The following SREBF2 variants were observed in gnomAD, a reference collection of about 807,000 sequenced individuals.
The protein encoded by SREBF2 is sterol regulatory element binding transcription factor 2.
In SREBF2, 55 loss-of-function variants were observed where a neutral mutation model predicts 113.1. The observed-to-expected ratio is 0.49, with a 90% confidence interval of 0.39 to 0.61. The LOEUF (loss-of-function observed/expected upper bound fraction) is 0.61. SREBF2 is among the 20% of genes least tolerant of loss of function. The probability of loss-of-function intolerance (pLI) is 0.00; values close to 1 mark genes in which losing one functional copy is unlikely to be tolerated. For missense variants in SREBF2, 1,349 were observed against 1,487.4 expected, an observed-to-expected ratio of 0.91 and a Z score of 1.53; for synonymous variants, 593 against 605.7, an observed-to-expected ratio of 0.98 and a Z score of 0.31.
rs2077419329 is a variant in SREBF2 at position 41,896,697 on chromosome 22, G to T, written c.2496-355G>T. Among the ~76,000 whole-genome samples, 3 of 152,164 alleles carry T rather than the reference G, an allele frequency of 2.0e-5. 1 individual carries two copies. The South Asian group carries it at 6.2e-4, about 32-fold the overall frequency. ...CCTACAAGGCCCAGATCCTGATTAG[G>T]GTGCACCTGAGGAGAGGGGGAGGGG... On this transcript the variant is annotated intron_variant, in intron 13 of 18. Transcript: ENST00000361204.
Position 41,878,093 on chromosome 22 carries a change from C to T in SREBF2, c.1731C>T (p.His577=). ...HSRSSVTFWR[H]RKQADLDLAR... is the part of the protein sequence containing the mutation. The stretch of plus-strand genomic sequence containing the variant: ...GCTCCTCGGTCACCTTCTGGAGGCA[C>T]CGGAAACAGGCAGATCTGGATCTCG... Residue 577 remains histidine (H), a synonymous_variant, in exon 9 of 19, where the codon CAC becomes CAT. Coordinates refer to ENST00000361204, the MANE Select transcript of SREBF2 (RefSeq NM_004599.4). 1.2e-6 allele frequency: 2 copies of T among 1,614,136 alleles called. No homozygotes were observed. Among genetic ancestry groups the T allele is most frequent in the South Asian group, 2.2e-5 (2 of 91,080 alleles).
intron 11 of SREBF2, among the ~76,000 whole-genome samples, chr22:41,892,413 G>C (rs982795741): frequency 6.6e-6 from 1 of 152,162 alleles, no homozygotes; most frequent in South Asian, 2.1e-4. Flanking sequence ...ACTTTGGGAG[G>C]CCGAGACGGG....
chr22:41,854,409 G>A (rs1216520689), intron 1 of SREBF2, among the ~76,000 whole-genome samples: 6 of 150,500 alleles, frequency 4.0e-5, no homozygotes, highest in South Asian at 4.4e-4. Context: ...TGATCCACCC[G>A]CCTCGGCCTC....
In SREBF2 at chr22:41,880,703, T is replaced by C. The variant is rs1714719189; in HGVS notation, c.1762-13T>C. The C allele has an allele frequency of 6.2e-7, 1 of 1,614,092 alleles. No individual in the cohort carries two copies. The highest frequency in any genetic ancestry group is 1.3e-5 in the African/African-American group (1 of 74,936). ...AAGGCCAGTGACCATTAACACCTTTTGATACTTTGTAGGGAGATTTTGCAG... is the reference window on the plus strand; with the variant it reads ...AAGGCCAGTGACCATTAACACCTTTCGATACTTTGTAGGGAGATTTTGCAG... On this transcript the variant is annotated splice_polypyrimidine_tract_variant and intron_variant, in intron 9 of 18. Coordinates refer to ENST00000361204, the MANE Select transcript of SREBF2 (RefSeq NM_004599.4).
At chr22:41,851,448 C>T (rs1184156340) in intron 1 of SREBF2, among the ~76,000 whole-genome samples, 1 of 151,706 alleles carries the variant, frequency 6.6e-6, no homozygotes, top group Admixed American at 6.6e-5. Context: ...ATTTGAGACT[C>T]TCCTGGGCAA....
chr22:41,902,410 G>T lies in SREBF2; in HGVS notation c.2908-560G>T, dbSNP rs554829682. ...TCAGAGAGACTAAGTCCTATGCCAG[G>T]GTCATGTAGCTAGTAAGTGGCAAAG... On this transcript the variant is annotated intron_variant, in intron 16 of 18. Coordinates refer to ENST00000361204, the MANE Select transcript of SREBF2 (RefSeq NM_004599.4). 1.2e-4 allele frequency among the ~76,000 whole-genome samples: 19 copies of T among 152,264 alleles called. No individual in the cohort carries two copies. In the East Asian group the frequency reaches 3.1e-3, roughly 25 times the overall value.
intron 11 of SREBF2, 110 bp downstream of exon 11, chr22:41,885,121 C>A: frequency 1.5e-6 from 2 of 1,324,866 alleles, no homozygotes; most frequent in Non-Finnish European, 1.1e-6. Context: ...TGCTGCCCAC[C>A]TGGAGGGGTA....
Position 41,875,660 on chromosome 22 carries a change from A to G in SREBF2, c.1322A>G (p.Gln441Arg), listed in dbSNP as rs1444521719. ...CCCCCAGCCTCTGACTCAGGGTCCC[A>G]GGCTGGCTTCTCTCCCTACTCCATT... The part of the protein sequence containing the change: ...MSPPASDSGS[Q>R]AGFSPYSIDS... The change falls in exon 7 of 19, where the codon CAG becomes CGG. Residue 441 changes from glutamine to arginine, a missense_variant. By Grantham distance (43) the Gln-to-Arg change is conservative (BLOSUM62 1). Transcript: ENST00000361204. The G allele has an allele frequency of 2.5e-6, 4 of 1,614,096 alleles. No homozygotes were observed. The Admixed American group carries it at 5.0e-5, about 20-fold the overall frequency.
chr22:41,898,531 C>A, intron 14 of SREBF2, 118 bp from the exon 15 acceptor site: 2 of 1,384,102 alleles, frequency 1.4e-6, no homozygotes, highest in Non-Finnish European at 2.0e-6. Context: ...GGCTGCTGGC[C>A]CGTTCCCAGC....
At chr22:41,898,174 G>T (rs908816251) in intron 14 of SREBF2, among the ~76,000 whole-genome samples, 2 of 152,204 alleles carry the variant, frequency 1.3e-5, no homozygotes, top group Non-Finnish European at 1.5e-5. Context: ...GCAATGGCAC[G>T]ATCTCGGCTC....
chr22:41,873,325 C>T (rs779936791), intron 4 of SREBF2, among the ~76,000 whole-genome samples: 12 of 152,164 alleles, frequency 7.9e-5, no homozygotes, highest in Non-Finnish European at 1.8e-4. Context: ...TTGAGAGTGT[C>T]ACTTCTGCCC....
At chr22:41,896,902 A>C (rs1185447158) in intron 13 of SREBF2, 150 bp from the exon 14 acceptor site, 1 of 632,634 alleles carries the variant, frequency 1.6e-6, no homozygotes, top group East Asian at 3.1e-5. Context: ...CAAAGGGTAC[A>C]CATAGACAGC....
chr22:41,903,034 C>T lies in SREBF2; in HGVS notation c.2972C>T (p.Ala991Val), dbSNP rs765167676. Residue 991 changes from alanine (A) to valine (V), a missense_variant, in exon 17 of 19, where the codon GCC becomes GTC. By Grantham distance (64) the Ala-to-Val change is moderately conservative (BLOSUM62 0). Transcript: ENST00000361204. ...SLRTALWQKQASASQAVGETY... is the reference protein window; with the variant it reads ...SLRTALWQKQVSASQAVGETY... ...CGGACAGCGCTCTGGCAAAAACAGGCCAGTGCCAGCCAGGCTGTGGGGGAG... is the reference window on the plus strand; with the variant it reads ...CGGACAGCGCTCTGGCAAAAACAGGTCAGTGCCAGCCAGGCTGTGGGGGAG... 1.2e-6 allele frequency: 2 copies of T among 1,609,424 alleles called. No individual in the cohort carries two copies. The highest frequency in any genetic ancestry group is 3.4e-5 in the Admixed American group (2 of 59,662).
chr22:41,893,325 A>G (rs1569407102), intron 12 of SREBF2, 40 bp downstream of exon 12: 1 of 1,611,140 alleles, frequency 6.2e-7, no homozygotes, highest in Non-Finnish European at 8.5e-7. Context: ...GGAGAAAGCC[A>G]TGCAAACCGC....
At chr22:41,879,839 C>A (rs955955680) in intron 9 of SREBF2, among the ~76,000 whole-genome samples, 10 of 152,146 alleles carry the variant, frequency 6.6e-5, no homozygotes, top group African/African-American at 2.2e-4. Context: ...CTCCATTAGA[C>A]CCTCTCAGGT....
intron 8 of SREBF2, 112 bp downstream of exon 8, chr22:41,877,533 G>C: frequency 7.8e-7 from 1 of 1,274,290 alleles, no homozygotes; most frequent in East Asian, 2.5e-5. Flanking sequence ...GGCTTTTATA[G>C]TGGGCCCCCA....
At position 41,873,876 on chromosome 22, in the gene SREBF2, G is replaced by T. The variant is rs566599558; in HGVS notation, c.946G>T (p.Val316Leu). 6.2e-7 allele frequency: 1 copy of T among 1,613,996 alleles called. No individual in the cohort carries two copies. ...MGQEKVPIKQ[V>L]PGGVKQLEPP... is the part of the protein sequence containing the mutation. The stretch of plus-strand genomic sequence containing the variant: ...GCAAGAGAAAGTGCCCATTAAGCAG[G>T]TACCTGGGGGAGTCAAGCAGCTTGA... Residue 316 changes from valine (V) to leucine (L), a missense_variant, in exon 5 of 19, where the codon GTA becomes TTA. By Grantham distance (32) the Val-to-Leu change is conservative. This residue lies in a region of SREBF2 where 699 missense variants were observed against 843.3 expected (regional missense o/e 0.83). Transcript: ENST00000361204.
chr22:41,864,909 C>T (rs1015216118), intron 1 of SREBF2, among the ~76,000 whole-genome samples: 4 of 152,030 alleles, frequency 2.6e-5, no homozygotes, highest in Non-Finnish European at 4.4e-5. Flanking sequence ...GCTGAAATTG[C>T]AACACTGCAC....
chr22:41,846,859 C>A (rs1375052405), intron 1 of SREBF2, among the ~76,000 whole-genome samples: 2 of 152,146 alleles, frequency 1.3e-5, no homozygotes, highest in Non-Finnish European at 2.9e-5. Flanking sequence ...CTTGTCTGTT[C>A]TTGCCCTTGT....
Sources: allele counts gnomAD v4.1 joint callset (sites outside exome capture counted in the v4.1 genomes callset), GRCh38; gene constraint gnomAD v4.1.1; regional missense constraint gnomAD v4.1.1; transcripts MANE v1.5; gene names NCBI Gene and HGNC (gene_info 2026-07-23, HGNC 2026-07-21).